The following PID1 variants were observed in gnomAD, a reference collection of about 807,000 sequenced individuals.
PID1 encodes PTB-containing, cubilin and LRP1-interacting protein.
A neutral mutation model predicts 19.1 loss-of-function variants in PID1; 10 were observed. The ratio of observed to expected loss-of-function variants is 0.52; its 90% CI spans 0.32 to 0.89. PID1 has a LOEUF of 0.89. PID1 is among the 40% of genes least tolerant of loss of function. The pLI is 0.03. For missense variants in PID1, 248 were observed against 285.3 expected, an observed-to-expected ratio of 0.87 and a Z score of 0.94; for synonymous variants, 130 against 116.0, an observed-to-expected ratio of 1.12 and a Z score of -0.78.
At chr2:229,255,970 G>A (rs1338267749) in intron 1 of PID1, among the ~76,000 whole-genome samples, 1 of 152,224 alleles carries the variant, frequency 6.6e-6, no homozygotes, top group Non-Finnish European at 1.5e-5. Context: ...GGAGAGCAAT[G>A]AATGGTGCTA....
intron 1 of PID1, among the ~76,000 whole-genome samples, chr2:229,165,016 G>A (rs1223219279): frequency 6.6e-6 from 1 of 152,198 alleles, no homozygotes; most frequent in East Asian, 1.9e-4. Context: ...TGCTCACACA[G>A]GGCCAGTTAC....
intron 1 of PID1, among the ~76,000 whole-genome samples, chr2:229,218,110 T>C (rs533482955): frequency 7.9e-5 from 12 of 152,232 alleles, no homozygotes; most frequent in Non-Finnish European, 1.2e-4. Flanking sequence ...ATTATTTTTA[T>C]CCTCCACTAA....
At chr2:229,116,995 G>A (rs917933092) in intron 2 of PID1, among the ~76,000 whole-genome samples, 4 of 152,010 alleles carry the variant, frequency 2.6e-5, no homozygotes, top group African/African-American at 9.7e-5. Flanking sequence ...GCTGCTCCTG[G>A]GACCTCTTCG....
intron 2 of PID1, among the ~76,000 whole-genome samples, chr2:229,093,839 C>T (rs1694923544): frequency 6.6e-6 from 1 of 152,146 alleles, no homozygotes; most frequent in Non-Finnish European, 1.5e-5. Flanking sequence ...GACAAACCCA[C>T]AGCCAGCATC....
At chr2:229,082,217 A>G (rs1293412139) in intron 2 of PID1, among the ~76,000 whole-genome samples, 1 of 152,230 alleles carries the variant, frequency 6.6e-6, no homozygotes, top group Non-Finnish European at 1.5e-5. Context: ...AACATGGACT[A>G]TGATGCCAAA....
chr2:229,263,330 A>G (rs1272717978), intron 1 of PID1, among the ~76,000 whole-genome samples: 1 of 152,218 alleles, frequency 6.6e-6, no homozygotes, highest in Non-Finnish European at 1.5e-5. Context: ...GCAGAATCAC[A>G]ATATGGCTGC....
At chr2:229,160,466 T>C (rs1401565047) in intron 1 of PID1, among the ~76,000 whole-genome samples, 1 of 152,242 alleles carries the variant, frequency 6.6e-6, no homozygotes, top group Admixed American at 6.5e-5. Flanking sequence ...TCTTCTGAGC[T>C]TGTCTTCTCC....
intron 2 of PID1, among the ~76,000 whole-genome samples, chr2:229,110,011 C>T (rs1318426084): frequency 6.6e-6 from 1 of 152,146 alleles, no homozygotes; most frequent in Non-Finnish European, 1.5e-5. Flanking sequence ...TTTCTGTCTG[C>T]TGAAAGGAGC....
intron 2 of PID1, among the ~76,000 whole-genome samples, chr2:229,084,846 CTTTAAAGCT>C (rs879832913): frequency 0.2 from 30,228 of 152,172 alleles, 3,885 homozygotes; most frequent in East Asian, 0.55. Flanking sequence ...CTCTTTACTG[CTTTAAAGCT>C]TCATAATTCA....
chr2:229,145,899 T>C (rs1690120009), intron 2 of PID1, among the ~76,000 whole-genome samples: 1 of 152,226 alleles, frequency 6.6e-6, no homozygotes, highest in Non-Finnish European at 1.5e-5. Context: ...GAAATTTTGA[T>C]TAAAAAATGA....
intron 1 of PID1, among the ~76,000 whole-genome samples, chr2:229,246,231 C>T (rs566964492): frequency 2.6e-5 from 4 of 152,116 alleles, no homozygotes; most frequent in Admixed American, 2.6e-4. Context: ...ATACAGCCAG[C>T]CTACCAGAAG....
chr2:229,025,787 C>T lies in PID1; in HGVS notation c.499G>A (p.Val167Met), dbSNP rs768122935. The change falls in exon 3 of 3, where the codon GTG becomes ATG. Residue 167 changes from valine (V) to methionine (M), a missense_variant. Physicochemically the swap from Val to Met is conservative, Grantham distance 21. Coordinates refer to ENST00000392055, the MANE Select transcript of PID1 (RefSeq NM_001100818.2). ...DLSYQMDCHA[V>M]ECESKLEAKK... is the part of the protein sequence containing the mutation. ...GCCTCGAGCTTGCTCTCGCACTCCA[C>T]GGCGTGGCAGTCCATCTGGTAGGAC... is the stretch of plus-strand genomic sequence containing the variant. 1.9e-6 allele frequency: 3 copies of T among 1,614,264 alleles called. No individual in the cohort carries two copies. The highest frequency in any genetic ancestry group is 1.1e-5 in the South Asian group (1 of 91,092).
At chr2:229,098,261 T>C (rs1053601235) in intron 2 of PID1, among the ~76,000 whole-genome samples, 2 of 152,182 alleles carry the variant, frequency 1.3e-5, no homozygotes, top group African/African-American at 4.8e-5. Context: ...ATTTGTAAAA[T>C]GAGGGAGATA....
intron 2 of PID1, among the ~76,000 whole-genome samples, chr2:229,059,299 T>G (rs1694164307): frequency 6.6e-6 from 1 of 152,208 alleles, no homozygotes; most frequent in African/African-American, 2.4e-5. Flanking sequence ...CACAGTGACT[T>G]GAATTCATGA....
At chr2:229,234,361 AG>A (rs34770709) in intron 1 of PID1, among the ~76,000 whole-genome samples, 39,861 of 152,088 alleles carry the variant, frequency 0.26, 5,990 homozygotes, top group East Asian at 0.64. Context: ...AGAAGAGGGA[AG>A]AAGACAAGTC....
At chr2:229,086,510 G>C (rs1187910106) in intron 2 of PID1, among the ~76,000 whole-genome samples, 1 of 152,140 alleles carries the variant, frequency 6.6e-6, no homozygotes, top group Non-Finnish European at 1.5e-5. Flanking sequence ...AAAATCATAA[G>C]TCAAACCATC....
At chr2:229,075,326 A>C (rs1048121071) in intron 2 of PID1, among the ~76,000 whole-genome samples, 1 of 152,200 alleles carries the variant, frequency 6.6e-6, no homozygotes, top group South Asian at 2.1e-4. Flanking sequence ...CTGTATATGC[A>C]TTGAGAGATT....
intron 2 of PID1, among the ~76,000 whole-genome samples, chr2:229,132,457 G>A (rs527368967): frequency 2.6e-5 from 4 of 152,276 alleles, no homozygotes; most frequent in South Asian, 2.1e-4. Flanking sequence ...TTCTGGCCTT[G>A]AAACTGGCCA....
At chr2:229,228,755 G>A (rs973790638) in intron 1 of PID1, among the ~76,000 whole-genome samples, 7 of 152,018 alleles carry the variant, frequency 4.6e-5, no homozygotes, top group Non-Finnish European at 7.4e-5. Context: ...AAACCATGTC[G>A]GTAGTTGTTT....
Sources: allele counts gnomAD v4.1 joint callset (sites outside exome capture counted in the v4.1 genomes callset), GRCh38; gene constraint gnomAD v4.1.1; transcripts MANE v1.5; gene names NCBI Gene and HGNC (gene_info 2026-07-23, HGNC 2026-07-21).